SGCZ: variants seen among roughly 807,000 people sequenced by gnomAD.
The protein encoded by SGCZ is sarcoglycan zeta.
In SGCZ, 40 loss-of-function variants were observed where a neutral mutation model predicts 41.3. That is an observed-to-expected ratio of 0.97 (90% CI 0.75 to 1.26). The LOEUF (loss-of-function observed/expected upper bound fraction) is 1.26. SGCZ is among the 50% of genes most tolerant of loss of function. SGCZ has a pLI of 0.00. For synonymous variants in SGCZ, 206 were observed against 137.5 expected, an observed-to-expected ratio of 1.50 and a Z score of -3.49; for missense variants, 552 against 369.8, an observed-to-expected ratio of 1.49 and a Z score of -4.04.
At chr8:14,127,830 T>C (rs551194371) in intron 5 of SGCZ, among the ~76,000 whole-genome samples, 3 of 152,290 alleles carry the variant, frequency 2.0e-5, no homozygotes, top group Admixed American at 2.0e-4. Flanking sequence ...TAAACTCATG[T>C]CACAGGGGAT....
At chr8:14,697,650 A>T (rs570179782) in intron 1 of SGCZ, among the ~76,000 whole-genome samples, 1 of 152,106 alleles carries the variant, frequency 6.6e-6, no homozygotes, top group South Asian at 2.1e-4. Context: ...AAACCTATCT[A>T]GAACATGCTT....
chr8:15,036,475 A>G (rs1803881483), intron 1 of SGCZ, among the ~76,000 whole-genome samples: 1 of 152,108 alleles, frequency 6.6e-6, no homozygotes. Flanking sequence ...TACCTGGGTG[A>G]TAAAATAATC....
Position 14,238,304 on chromosome 8 carries a change from T to C in SGCZ, c.337-625A>G, listed in dbSNP as rs190376136. Among the ~76,000 whole-genome samples the C allele has an allele frequency of 3.9e-5, 6 of 152,326 alleles. No individual in the cohort carries two copies. In the East Asian group the frequency reaches 1.2e-3, roughly 29 times the overall value. On this transcript the variant is annotated intron_variant, in intron 3 of 7. Transcript: ENST00000382080. Reference sequence around the variant, plus strand: ...TGTGTCTATGCAGTTACGTCATTATTACTAAGCATGCTGCTGAAGGAAATA... The same window carrying C: ...TGTGTCTATGCAGTTACGTCATTATCACTAAGCATGCTGCTGAAGGAAATA...
intron 1 of SGCZ, among the ~76,000 whole-genome samples, chr8:14,594,182 AAAT>A (rs1805332382): frequency 6.7e-4 from 3 of 4,498 alleles, no homozygotes; most frequent in Admixed American, 3.0e-3. Flanking sequence ...CTCAAAAAAT[AAAT>A]AAATAAATAA....
chr8:14,739,441 C>T (rs897821886), intron 1 of SGCZ, among the ~76,000 whole-genome samples: 2 of 151,958 alleles, frequency 1.3e-5, no homozygotes, highest in African/African-American at 4.8e-5. Context: ...AGGTTACATA[C>T]ACACGTGGAT....
intron 1 of SGCZ, among the ~76,000 whole-genome samples, chr8:14,988,775 C>T (rs1801911735): frequency 6.6e-6 from 1 of 152,058 alleles, no homozygotes. Context: ...TATAACTATG[C>T]ATTTTTTCCT....
At chr8:14,711,849 T>A (rs1291711830) in intron 1 of SGCZ, among the ~76,000 whole-genome samples, 2 of 152,196 alleles carry the variant, frequency 1.3e-5, no homozygotes, top group East Asian at 3.9e-4. Flanking sequence ...TCTGTTTGTT[T>A]GCTTGTTTGG....
intron 1 of SGCZ, among the ~76,000 whole-genome samples, chr8:14,888,433 T>C (rs2130737423): frequency 6.6e-6 from 1 of 152,290 alleles, no homozygotes; most frequent in East Asian, 1.9e-4. Context: ...TTCAAAGAAT[T>C]GCCTGATCAA....
chr8:14,511,896 A>G (rs967196873), intron 2 of SGCZ, among the ~76,000 whole-genome samples: 12 of 152,238 alleles, frequency 7.9e-5, no homozygotes, highest in East Asian at 5.8e-4. Flanking sequence ...AACATAGTCT[A>G]TAGATTATTA....
At chr8:15,131,169 C>G (rs1471513194) in intron 1 of SGCZ, among the ~76,000 whole-genome samples, 2 of 152,032 alleles carry the variant, frequency 1.3e-5, no homozygotes, top group African/African-American at 4.8e-5. Flanking sequence ...TGTCTGTGTC[C>G]CCACCCAAAT....
At chr8:14,836,475 C>G (rs1427352472) in intron 1 of SGCZ, among the ~76,000 whole-genome samples, 1 of 152,126 alleles carries the variant, frequency 6.6e-6, no homozygotes, top group African/African-American at 2.4e-5. Context: ...GTCGCCCTCC[C>G]TCTCTGCATT....
At chr8:14,654,587 T>G (rs1217116637) in intron 1 of SGCZ, among the ~76,000 whole-genome samples, 1 of 152,082 alleles carries the variant, frequency 6.6e-6, no homozygotes, top group Non-Finnish European at 1.5e-5. Context: ...GTTGTTTTGT[T>G]TTGAGACAGA....
intron 5 of SGCZ, among the ~76,000 whole-genome samples, chr8:14,142,461 T>A (rs1327403855): frequency 6.6e-6 from 1 of 152,150 alleles, no homozygotes; most frequent in Non-Finnish European, 1.5e-5. Context: ...TGATGATATA[T>A]TTGATTACTA....
intron 1 of SGCZ, among the ~76,000 whole-genome samples, chr8:15,214,878 G>A (rs1005448511): frequency 1.3e-5 from 2 of 152,142 alleles, no homozygotes; most frequent in African/African-American, 4.8e-5. Context: ...AAGAAATGAA[G>A]AGCAGGTGTT....
chr8:14,924,130 T>A (rs994007260), intron 1 of SGCZ, among the ~76,000 whole-genome samples: 3 of 152,352 alleles, frequency 2.0e-5, no homozygotes, highest in African/African-American at 7.2e-5. Flanking sequence ...TGTCTCACGT[T>A]TGTTCTAAAA....
At chr8:15,156,661 C>T (rs576923119) in intron 1 of SGCZ, among the ~76,000 whole-genome samples, 56 of 152,258 alleles carry the variant, frequency 3.7e-4, no homozygotes, top group African/African-American at 1.3e-3. Flanking sequence ...AAGCACTTCT[C>T]GGCCAGGCGC....
intron 1 of SGCZ, among the ~76,000 whole-genome samples, chr8:14,987,028 A>AT (rs143397874): frequency 0.076 from 11,573 of 151,960 alleles, 660 homozygotes; most frequent in African/African-American, 0.15. Flanking sequence ...AATTTAAAAG[A>AT]TTTTTAAATT....
chr8:15,155,367 A>G (rs1799298756), intron 1 of SGCZ, among the ~76,000 whole-genome samples: 1 of 152,202 alleles, frequency 6.6e-6, no homozygotes, highest in Non-Finnish European at 1.5e-5. Context: ...ATCATTATAC[A>G]TTGTATGCAT....
chr8:14,686,290 C>T (rs938372669), intron 1 of SGCZ, among the ~76,000 whole-genome samples: 3 of 151,890 alleles, frequency 2.0e-5, no homozygotes, highest in Admixed American at 1.3e-4. Context: ...GTTGTAAGCA[C>T]TAAATTTGAG....
Sources: allele counts gnomAD v4.1 joint callset (sites outside exome capture counted in the v4.1 genomes callset), GRCh38; gene constraint gnomAD v4.1.1; transcripts MANE v1.5; gene names NCBI Gene and HGNC (gene_info 2026-07-23, HGNC 2026-07-21).